Variants in MAF observed in about 807,000 individuals in gnomAD.
MAF encodes the protein transcription factor Maf.
MAF carries 10 observed loss-of-function variants against 22.0 expected under a neutral mutation model. The observed-to-expected ratio is 0.45, with a 90% CI of 0.28 to 0.77. The LOEUF (loss-of-function observed/expected upper bound fraction) is 0.77. MAF is among the 30% of genes least tolerant of loss of function. The pLI is 0.12. For synonymous variants in MAF, 337 were observed against 255.8 expected (o/e 1.32, Z -3.03); for missense variants, 544 against 548.4 (o/e 0.99, Z 0.08).
At chr16:79,418,152 C>T in the MAF span, among the ~76,000 whole-genome samples, 289 of 152,304 alleles carry the variant, frequency 1.9e-3, 1 homozygote, top group Non-Finnish European at 2.1e-3. Context: ...GGATGATTCC[C>T]TCTCATTGTG....
the MAF span, among the ~76,000 whole-genome samples, chr16:79,400,740 G>A: frequency 2.0e-5 from 3 of 152,230 alleles, no homozygotes; most frequent in Admixed American, 1.3e-4. Flanking sequence ...CCCTATACCC[G>A]GAGGCAGGAG....
At chr16:79,412,453 T>C in the MAF span, among the ~76,000 whole-genome samples, 1 of 152,316 alleles carries the variant, frequency 6.6e-6, no homozygotes, top group African/African-American at 2.4e-5. Flanking sequence ...GCCCTATTGC[T>C]TGAATGTTCC....
chr16:79,511,457 G>A, the MAF span, among the ~76,000 whole-genome samples: 1 of 152,132 alleles, frequency 6.6e-6, no homozygotes, highest in African/African-American at 2.4e-5. Flanking sequence ...AGGCCAGACT[G>A]CCCAGGAAAG....
chr16:79,226,715 A>C, the MAF span, among the ~76,000 whole-genome samples: 10,638 of 152,126 alleles, frequency 0.07, 530 homozygotes, highest in Middle Eastern at 0.15. Flanking sequence ...CATGTGGATG[A>C]CATTTTTTTC....
the MAF span, among the ~76,000 whole-genome samples, chr16:79,261,429 G>A: frequency 3.4e-4 from 51 of 152,040 alleles, no homozygotes; most frequent in African/African-American, 1.2e-3. Flanking sequence ...CTGGGATTAC[G>A]GGCATGAGCC....
chr16:79,242,001 T>G, the MAF span, among the ~76,000 whole-genome samples: 2 of 152,010 alleles, frequency 1.3e-5, no homozygotes, highest in Non-Finnish European at 2.9e-5. Context: ...CTGAGAGATT[T>G]TGTCACCACC....
At chr16:79,461,341 T>G in the MAF span, among the ~76,000 whole-genome samples, 2 of 152,118 alleles carry the variant, frequency 1.3e-5, no homozygotes, top group Non-Finnish European at 2.9e-5. Flanking sequence ...CTATTGTGAG[T>G]ATTTCTGCTC....
chr16:79,531,536 C>T, the MAF span, among the ~76,000 whole-genome samples: 59 of 152,146 alleles, frequency 3.9e-4, no homozygotes, highest in African/African-American at 1.3e-3. Context: ...TGTTTTCTTG[C>T]CACCAGATGG....
the MAF span, among the ~76,000 whole-genome samples, chr16:79,424,091 C>T: frequency 5.1e-4 from 78 of 152,268 alleles, no homozygotes; most frequent in Non-Finnish European, 7.2e-4. Flanking sequence ...ACACGCACTG[C>T]TAGGTATTTA....
At chr16:79,288,517 T>C in the MAF span, among the ~76,000 whole-genome samples, 1 of 152,282 alleles carries the variant, frequency 6.6e-6, no homozygotes, top group East Asian at 1.9e-4. Flanking sequence ...CAAAGCAAAG[T>C]CACCTCTGCT....
At chr16:79,538,866 AAAAGAAAAG>A in the MAF span, among the ~76,000 whole-genome samples, 16,328 of 116,872 alleles carry the variant, frequency 0.14, 1,026 homozygotes, top group South Asian at 0.19. Flanking sequence ...AAAAGAAAAG[AAAAGAAAAG>A]AAAGAAAGAA....
At chr16:79,275,386 G>A in the MAF span, among the ~76,000 whole-genome samples, 1 of 152,122 alleles carries the variant, frequency 6.6e-6, no homozygotes, top group African/African-American at 2.4e-5. Context: ...TTGAGAAGTT[G>A]CATGTTTGTT....
At chr16:79,301,808 CA>C in the MAF span, among the ~76,000 whole-genome samples, 1 of 152,322 alleles carries the variant, frequency 6.6e-6, no homozygotes, top group South Asian at 2.1e-4. Flanking sequence ...AGGCTTTACA[CA>C]CTTGCTGTTA....
the MAF span, among the ~76,000 whole-genome samples, chr16:79,435,839 G>C: frequency 6.6e-6 from 1 of 152,168 alleles, no homozygotes; most frequent in African/African-American, 2.4e-5. Context: ...CTCGAACAAA[G>C]GCTTTTTCTC....
chr16:79,341,392 G>C, the MAF span, among the ~76,000 whole-genome samples: 1 of 152,192 alleles, frequency 6.6e-6, no homozygotes, highest in African/African-American at 2.4e-5. Context: ...TGGCTACTCA[G>C]CGGGCTACTG....
chr16:79,517,184 G>T, the MAF span, among the ~76,000 whole-genome samples: 5 of 152,058 alleles, frequency 3.3e-5, no homozygotes, highest in Non-Finnish European at 7.4e-5. Flanking sequence ...TTCATTCCTT[G>T]GCTCTGAGCC....
chr16:79,277,063 G>A, the MAF span, among the ~76,000 whole-genome samples: 3 of 151,738 alleles, frequency 2.0e-5, no homozygotes, highest in South Asian at 2.1e-4. Flanking sequence ...TTTTGAGTCC[G>A]GTCTCACTCT....
the MAF span, among the ~76,000 whole-genome samples, chr16:79,428,332 A>G: frequency 6.6e-6 from 1 of 152,036 alleles, no homozygotes; most frequent in Non-Finnish European, 1.5e-5. Flanking sequence ...GGGGGTGGCA[A>G]GCACACACTG....
chr16:79,503,875 T>C, the MAF span, among the ~76,000 whole-genome samples: 2,517 of 152,342 alleles, frequency 0.017, 66 homozygotes, highest in African/African-American at 0.058. Flanking sequence ...GGTAATTTCT[T>C]AAGTGTTGAT....
Sources: allele counts gnomAD v4.1 joint callset (sites outside exome capture counted in the v4.1 genomes callset), GRCh38; gene constraint gnomAD v4.1.1; transcripts MANE v1.5; gene names NCBI Gene and HGNC (gene_info 2026-07-23, HGNC 2026-07-21).